The following FBXL17 variants were observed in gnomAD, a reference collection of about 807,000 sequenced individuals.
The protein encoded by FBXL17 is F-box and leucine rich repeat protein 17, also known as F-box/LRR-repeat protein 17.
Under a neutral mutation model 66.2 loss-of-function variants are expected in FBXL17, and 22 were observed. That is an observed-to-expected ratio of 0.33 (90% CI 0.24 to 0.47). FBXL17 has a LOEUF of 0.47. Among genes scored for constraint, FBXL17 ranks in the 20% least tolerant of loss-of-function variants. The pLI, the probability that FBXL17 is intolerant of heterozygous loss-of-function variation, is 1.00. For synonymous variants in FBXL17, 474 were observed against 400.5 expected, an observed-to-expected ratio of 1.18 and a Z score of -2.19; for missense variants, 878 against 948.2, an observed-to-expected ratio of 0.93 and a Z score of 0.97.
chr5:108,213,074 T>G (rs1429683005), intron 5 of FBXL17, among the ~76,000 whole-genome samples: 1 of 152,168 alleles, frequency 6.6e-6, no homozygotes, highest in Admixed American at 6.5e-5. Flanking sequence ...CAGTTGGAAC[T>G]TCTCAGTGGC....
At chr5:107,882,963 A>C (rs1437216303) in intron 7 of FBXL17, among the ~76,000 whole-genome samples, 1 of 152,196 alleles carries the variant, frequency 6.6e-6, no homozygotes, top group East Asian at 1.9e-4. Context: ...GCAGATAAAG[A>C]GTCAATAGCT....
At chr5:108,304,220 T>C (rs1758731733) in intron 4 of FBXL17, among the ~76,000 whole-genome samples, 1 of 152,014 alleles carries the variant, frequency 6.6e-6, no homozygotes, top group Admixed American at 6.6e-5. Flanking sequence ...TCTACTACCG[T>C]ATAATTCTTT....
At chr5:108,254,687 T>C (rs367650118) in intron 4 of FBXL17, among the ~76,000 whole-genome samples, 11 of 152,340 alleles carry the variant, frequency 7.2e-5, no homozygotes, top group South Asian at 4.1e-4. Context: ...GTAGAATATT[T>C]AATAATTTAA....
At chr5:108,218,522 T>C (rs1208380127) in intron 5 of FBXL17, among the ~76,000 whole-genome samples, 1 of 152,196 alleles carries the variant, frequency 6.6e-6, no homozygotes, top group African/African-American at 2.4e-5. Flanking sequence ...CTACAATGGC[T>C]ATACTAATTT....
In FBXL17 at chr5:107,859,090, G is replaced by C. The variant is rs978276255; in HGVS notation, c.*2630C>G. 6.6e-6 allele frequency: 1 copy of C among 152,040 alleles called. No individual in the cohort carries two copies. The highest frequency in any genetic ancestry group is 1.5e-5 in the Non-Finnish European group (1 of 67,990). 9.4% of individuals were successfully genotyped at this position (152,040 alleles called of 1,614,324 possible). A position where few individuals can be genotyped will look rare whatever the true frequency, so the allele number is the denominator to read the frequency against. Reference sequence around the variant, plus strand: ...AAGGTCAAAGATTCACGGAAATATAGAAACTACAAACCGGGTGAATTTTCT... The same window carrying C: ...AAGGTCAAAGATTCACGGAAATATACAAACTACAAACCGGGTGAATTTTCT... On this transcript the variant is annotated 3_prime_UTR_variant, in exon 9 of 9. Transcript: ENST00000542267.
chr5:108,151,976 T>G (rs1580519479), intron 6 of FBXL17, among the ~76,000 whole-genome samples: 1 of 152,232 alleles, frequency 6.6e-6, no homozygotes, highest in East Asian at 1.9e-4. Context: ...AATTGTGGTC[T>G]CAACCTTCCC....
intron 7 of FBXL17, among the ~76,000 whole-genome samples, chr5:107,938,498 A>T (rs868337076): frequency 6.6e-6 from 1 of 152,150 alleles, no homozygotes. Context: ...TAGTCAGAAG[A>T]AGTAGCATGA....
At chr5:108,134,029 T>C (rs992094659) in intron 6 of FBXL17, among the ~76,000 whole-genome samples, 6 of 152,142 alleles carry the variant, frequency 3.9e-5, no homozygotes, top group Admixed American at 1.3e-4. Flanking sequence ...ACATTGGCTG[T>C]CCTTATTAGC....
intron 5 of FBXL17, among the ~76,000 whole-genome samples, chr5:108,199,435 G>A (rs1160488888): frequency 6.6e-6 from 1 of 152,152 alleles, no homozygotes; most frequent in Non-Finnish European, 1.5e-5. Context: ...TTTCAACTCT[G>A]TTGTTGCTAG....
At chr5:107,928,550 A>G (rs967292297) in intron 7 of FBXL17, among the ~76,000 whole-genome samples, 3 of 152,088 alleles carry the variant, frequency 2.0e-5, no homozygotes, top group Admixed American at 1.3e-4. Flanking sequence ...CAACCTGGTA[A>G]TATTACTTCT....
chr5:108,284,331 G>A (rs1442109727), intron 4 of FBXL17, among the ~76,000 whole-genome samples: 1 of 151,778 alleles, frequency 6.6e-6, no homozygotes, highest in Non-Finnish European at 1.5e-5. Context: ...AACAGATAAA[G>A]GAAATGTGGT....
chr5:108,131,175 A>G (rs927723096), intron 6 of FBXL17, among the ~76,000 whole-genome samples: 1 of 152,150 alleles, frequency 6.6e-6, no homozygotes, highest in Non-Finnish European at 1.5e-5. Context: ...ACCCCAGTAA[A>G]TTATTACTTC....
At chr5:108,001,116 G>GT (rs1262600179) in intron 7 of FBXL17, among the ~76,000 whole-genome samples, 1 of 152,002 alleles carries the variant, frequency 6.6e-6, no homozygotes, top group Non-Finnish European at 1.5e-5. Context: ...TAACCTAAAG[G>GT]TAAAAAGAAG....
At chr5:108,067,986 T>C (rs1017416188) in intron 6 of FBXL17, among the ~76,000 whole-genome samples, 3 of 152,222 alleles carry the variant, frequency 2.0e-5, no homozygotes, top group Non-Finnish European at 4.4e-5. Context: ...ATTGCAGATT[T>C]CTTTTCTGGT....
At chr5:107,946,819 C>T (rs1751317388) in intron 7 of FBXL17, among the ~76,000 whole-genome samples, 1 of 152,002 alleles carries the variant, frequency 6.6e-6, no homozygotes, top group African/African-American at 2.4e-5. Flanking sequence ...GTGTGGCTTG[C>T]ATATGGAGAA....
intron 7 of FBXL17, among the ~76,000 whole-genome samples, chr5:107,934,685 G>A (rs1263592934): frequency 6.6e-6 from 1 of 152,032 alleles, no homozygotes; most frequent in Non-Finnish European, 1.5e-5. Context: ...AGTCCTTATT[G>A]GGGGCTGGTG....
chr5:108,293,098 C>CAAAAAAAAAAA (rs1390083749), intron 4 of FBXL17, among the ~76,000 whole-genome samples: 2 of 92,502 alleles, frequency 2.2e-5, no homozygotes, highest in African/African-American at 3.8e-5. Flanking sequence ...AAAAAAAAAA[C>CAAAAAAAAAAA]AAAAAAAAAA....
intron 8 of FBXL17, 29 bp downstream of exon 8, chr5:107,881,008 A>T (rs1286944095): frequency 1.2e-6 from 2 of 1,614,074 alleles, no homozygotes; most frequent in East Asian, 4.5e-5. Flanking sequence ...GATATGTAGA[A>T]AGCAAACAAC....
At chr5:107,906,887 T>C (rs900953764) in intron 7 of FBXL17, among the ~76,000 whole-genome samples, 1 of 152,188 alleles carries the variant, frequency 6.6e-6, no homozygotes, top group African/African-American at 2.4e-5. Flanking sequence ...AATACTACTG[T>C]TACATTAAAC....
Sources: allele counts gnomAD v4.1 joint callset (sites outside exome capture counted in the v4.1 genomes callset), GRCh38; gene constraint gnomAD v4.1.1; transcripts MANE v1.5; gene names NCBI Gene and HGNC (gene_info 2026-07-23, HGNC 2026-07-21).